The following SEPTIN7 variants were observed in gnomAD, a reference collection of about 807,000 sequenced individuals.
The protein encoded by SEPTIN7 is septin 7, also known as septin-7.
A neutral mutation model predicts 63.3 loss-of-function variants in SEPTIN7; 10 were observed. The ratio of observed to expected loss-of-function variants is 0.16; its 90% confidence interval spans 0.10 to 0.27. The LOEUF (loss-of-function observed/expected upper bound fraction) is 0.27. SEPTIN7 is among the 10% of genes least tolerant of loss of function. The pLI is 1.00. For synonymous variants in SEPTIN7, 131 were observed against 165.3 expected, an observed-to-expected ratio of 0.79 and a Z score of 1.59; for missense variants, 310 against 521.0, an observed-to-expected ratio of 0.59 and a Z score of 3.94.
intron 3 of SEPTIN7, among the ~76,000 whole-genome samples, chr7:35,841,451 C>A (rs1310598330): frequency 6.6e-6 from 1 of 152,078 alleles, no homozygotes; most frequent in African/African-American, 2.4e-5. Flanking sequence ...ACAAGAAACT[C>A]CAGTGTCGAA....
intron 3 of SEPTIN7, among the ~76,000 whole-genome samples, chr7:35,841,693 G>C (rs1332342294): frequency 2.6e-5 from 4 of 152,326 alleles, no homozygotes; most frequent in East Asian, 1.9e-4. Flanking sequence ...CGCATAGTCT[G>C]TCAGTATTTT....
chr7:35,868,629 A>G (rs547031206), intron 4 of SEPTIN7, among the ~76,000 whole-genome samples: 1 of 152,204 alleles, frequency 6.6e-6, no homozygotes, highest in South Asian at 2.1e-4. Context: ...ATGAAAAGGG[A>G]TACCTAGGAG....
At chr7:35,882,300 G>GT (rs1393103426) in intron 7 of SEPTIN7, among the ~76,000 whole-genome samples, 184 bp from the exon 8 acceptor site, 2 of 136,312 alleles carry the variant, frequency 1.5e-5, no homozygotes, top group Non-Finnish European at 3.2e-5. Context: ...CAACTTCATA[G>GT]TTAAAAAAAA....
intron 12 of SEPTIN7, chr7:35,900,420 A>C (rs1428250314): frequency 1.3e-5 from 2 of 152,242 alleles, no homozygotes; most frequent in Non-Finnish European, 2.9e-5. Flanking sequence ...CACACCCCTA[A>C]TCAAAAGTCA....
intron 1 of SEPTIN7, among the ~76,000 whole-genome samples, chr7:35,812,603 T>C (rs995374581): frequency 2.6e-5 from 4 of 152,176 alleles, no homozygotes; most frequent in African/African-American, 9.7e-5. Flanking sequence ...TGCTTTTTAA[T>C]TGAAGGATGT....
intron 11 of SEPTIN7, among the ~76,000 whole-genome samples, chr7:35,896,742 A>G (rs984996611): frequency 1.3e-5 from 2 of 152,204 alleles, no homozygotes; most frequent in Non-Finnish European, 2.9e-5. Context: ...CTTTTGATTC[A>G]TTGTTTAATT....
At chr7:35,880,218 C>CTTTTCTTTTTTTTTTTCTTTTTTTTTT (rs1786766312) in intron 7 of SEPTIN7, among the ~76,000 whole-genome samples, 1 of 91,482 alleles carries the variant, frequency 1.1e-5, no homozygotes, top group Non-Finnish European at 2.3e-5. Flanking sequence ...CTTTTTTTTT[C>CTTTTCTTTTTTTTTTTCTTTTTTTTTT]TTTTCTTTTT....
chr7:35,837,398 T>C (rs1258071397), intron 3 of SEPTIN7, among the ~76,000 whole-genome samples: 2 of 152,220 alleles, frequency 1.3e-5, no homozygotes, highest in African/African-American at 4.8e-5. Flanking sequence ...AGGTTAGATA[T>C]ATCATTCTTG....
chr7:35,899,104 T>C (rs911786178), intron 12 of SEPTIN7: 1 of 152,186 alleles, frequency 6.6e-6, no homozygotes, highest in Non-Finnish European at 1.5e-5. Flanking sequence ...GAGAAAAAGA[T>C]AAACTGAACA....
chr7:35,877,205 A>G (rs1276655162), intron 6 of SEPTIN7, among the ~76,000 whole-genome samples: 1 of 152,224 alleles, frequency 6.6e-6, no homozygotes, highest in Non-Finnish European at 1.5e-5. Flanking sequence ...TATTCCATCT[A>G]CACACACTTT....
intron 9 of SEPTIN7, among the ~76,000 whole-genome samples, chr7:35,885,019 C>G (rs764623459): frequency 6.6e-5 from 10 of 150,892 alleles, no homozygotes; most frequent in Non-Finnish European, 1.5e-4. Context: ...TTTTGAACTT[C>G]GTTTTTTTTT....
chr7:35,872,836 T>A, intron 5 of SEPTIN7, 70 bp downstream of exon 5: 1 of 1,044,866 alleles, frequency 9.6e-7, no homozygotes, highest in Non-Finnish European at 1.5e-6. Context: ...TTTTTCTTCT[T>A]AACATTTTAA....
chr7:35,814,974 C>CAAA (rs56795764), intron 1 of SEPTIN7, among the ~76,000 whole-genome samples: 3 of 22,010 alleles, frequency 1.4e-4, no homozygotes, highest in African/African-American at 1.5e-4. Context: ...GACTCCTTCT[C>CAAA]AAAAAAAAAA....
At chr7:35,819,272 G>T (rs1789268073) in intron 1 of SEPTIN7, among the ~76,000 whole-genome samples, 1 of 152,060 alleles carries the variant, frequency 6.6e-6, no homozygotes, top group South Asian at 2.1e-4. Context: ...ATTTTTCTCT[G>T]CAGTTGATTT....
At chr7:35,879,433 T>G (rs1786695694) in intron 6 of SEPTIN7, among the ~76,000 whole-genome samples, 2 of 151,682 alleles carry the variant, frequency 1.3e-5, no homozygotes, top group Non-Finnish European at 2.9e-5. Context: ...GAGCTGAGAT[T>G]ACACCACTGC....
chr7:35,895,976 A>G (rs147149532), intron 11 of SEPTIN7, among the ~76,000 whole-genome samples: 190 of 152,138 alleles, frequency 1.2e-3, no homozygotes, highest in African/African-American at 4.5e-3. Context: ...ACGCCCGGCT[A>G]ATTTTTGTAT....
intron 6 of SEPTIN7, among the ~76,000 whole-genome samples, chr7:35,875,008 C>G (rs1196055037): frequency 6.6e-6 from 1 of 152,098 alleles, no homozygotes; most frequent in Non-Finnish European, 1.5e-5. Context: ...AAATCTTAAC[C>G]TGCATTTAAG....
chr7:35,843,439 C>G (rs1232916722), intron 3 of SEPTIN7, among the ~76,000 whole-genome samples: 2 of 152,278 alleles, frequency 1.3e-5, no homozygotes, highest in East Asian at 1.9e-4. Context: ...ACACCTACCT[C>G]TGTCAGTCTC....
chr7:35,894,158 G>A (rs555669908), intron 11 of SEPTIN7, among the ~76,000 whole-genome samples: 255 of 136,654 alleles, frequency 1.9e-3, no homozygotes, highest in Non-Finnish European at 3.3e-3. Context: ...CTTCCTTCTT[G>A]AAGTTTTGTC....
Sources: gnomAD v4.1 joint callset for allele counts (sites outside exome capture counted in the v4.1 genomes callset) on GRCh38, gnomAD v4.1.1 for gene constraint, MANE v1.5 for transcripts, NCBI Gene and HGNC (gene_info 2026-07-23, HGNC 2026-07-21) for gene names.